The following CAB39 variants were observed in gnomAD, a reference collection of about 807,000 sequenced individuals.
CAB39 encodes the protein calcium-binding protein 39.
A neutral mutation model predicts 40.0 loss-of-function variants in CAB39; 8 were observed. That is an observed-to-expected ratio of 0.20 (90% CI 0.12 to 0.36). CAB39 has a LOEUF of 0.36. CAB39 is among the 10% of genes least tolerant of loss of function. The pLI, the probability that CAB39 is intolerant of heterozygous loss-of-function variation, is 1.00. For synonymous variants in CAB39, 156 were observed against 141.6 expected, an observed-to-expected ratio of 1.10 and a Z score of -0.72; for missense variants, 270 against 401.1, an observed-to-expected ratio of 0.67 and a Z score of 2.79.
chr2:230,808,196 C>T (rs920573809), intron 5 of CAB39, among the ~76,000 whole-genome samples: 1 of 152,004 alleles, frequency 6.6e-6, no homozygotes, highest in African/African-American at 2.4e-5. Flanking sequence ...AAGCGATTCT[C>T]CTGCCTCAGC....
chr2:230,744,553 A>G (rs1318995501), intron 1 of CAB39, among the ~76,000 whole-genome samples: 1 of 152,170 alleles, frequency 6.6e-6, no homozygotes, highest in African/African-American at 2.4e-5. Context: ...TGGCCTCCCA[A>G]AGTGCTGGGA....
intron 1 of CAB39, among the ~76,000 whole-genome samples, chr2:230,727,363 CGTGTGT>C (rs10542723): frequency 0.025 from 3,119 of 126,904 alleles, 52 homozygotes; most frequent in East Asian, 0.068. Flanking sequence ...GATTGTTAAC[CGTGTGT>C]GTGTGTGTGT....
At chr2:230,791,163 A>G in intron 3 of CAB39, 127 bp downstream of exon 3, 1 of 704,540 alleles carries the variant, frequency 1.4e-6, no homozygotes, top group East Asian at 3.0e-5. Flanking sequence ...GACCTCTGTC[A>G]GCATGCCTGG....
At chr2:230,790,569 T>A (rs1330128056) in intron 2 of CAB39, among the ~76,000 whole-genome samples, 2 of 152,198 alleles carry the variant, frequency 1.3e-5, no homozygotes, top group East Asian at 3.8e-4. Context: ...TCCCTCCCAC[T>A]TGAGGAAGTG....
intron 7 of CAB39, among the ~76,000 whole-genome samples, chr2:230,815,610 G>A (rs2124986029): frequency 6.6e-6 from 1 of 152,314 alleles, no homozygotes. Flanking sequence ...GTGCAGGGTG[G>A]AGGTTATTGG....
chr2:230,810,258 T>C lies in CAB39; in HGVS notation c.568-5T>C. Reference sequence around the variant, plus strand: ...ACTGTAAACAATTTTTTTTTCTTTTTGTAGGATTTACTTACAAGACATAAA... The same window carrying C: ...ACTGTAAACAATTTTTTTTTCTTTTCGTAGGATTTACTTACAAGACATAAA... On this transcript the variant is annotated splice_polypyrimidine_tract_variant and splice_region_variant and intron_variant, in intron 5 of 8. Coordinates refer to ENST00000258418, the MANE Select transcript of CAB39 (RefSeq NM_016289.4). The C allele has an allele frequency of 7.1e-7, 1 of 1,415,270 alleles. No individual in the cohort carries two copies. The highest frequency in any genetic ancestry group is 9.7e-7 in the Non-Finnish European group (1 of 1,029,884). The allele number at this position is 1,415,270 out of a possible 1,614,324, so 87.7% of individuals were successfully genotyped here.
At position 230,778,723 on chromosome 2, in the gene CAB39, T is replaced by C. The variant is rs539312117; in HGVS notation, c.115-12149T>C. 3.3e-5 allele frequency among the ~76,000 whole-genome samples: 5 copies of C among 152,352 alleles called. No homozygotes were observed. The East Asian group carries it at 9.6e-4, about 29-fold the overall frequency. ...AAAAATTTGAAGTCCTGTTACACGTTACTTAACAACAGGGATACATTCCAA... is the reference window on the plus strand; with the variant it reads ...AAAAATTTGAAGTCCTGTTACACGTCACTTAACAACAGGGATACATTCCAA... On this transcript the variant is annotated intron_variant, in intron 2 of 8. Transcript: ENST00000258418.
chr2:230,749,027 T>A (rs1298008175), intron 1 of CAB39, among the ~76,000 whole-genome samples: 1 of 145,654 alleles, frequency 6.9e-6, no homozygotes, highest in African/African-American at 2.5e-5. Context: ...TTTAAACCAA[T>A]TGTTGGAGTG....
chr2:230,785,316 C>T (rs1347142810), intron 2 of CAB39, among the ~76,000 whole-genome samples: 1 of 139,630 alleles, frequency 7.2e-6, no homozygotes, highest in Non-Finnish European at 1.5e-5. Context: ...ATGGTAAATA[C>T]AGGCAAATGT....
intron 1 of CAB39, among the ~76,000 whole-genome samples, chr2:230,747,753 T>C (rs1395010535): frequency 1.3e-5 from 2 of 152,244 alleles, no homozygotes; most frequent in African/African-American, 4.8e-5. Context: ...ATGAAATATA[T>C]AAGTGTATAC....
At chr2:230,740,155 C>G (rs1453660184) in intron 1 of CAB39, among the ~76,000 whole-genome samples, 1 of 152,174 alleles carries the variant, frequency 6.6e-6, no homozygotes, top group Non-Finnish European at 1.5e-5. Context: ...ACCAGTGATA[C>G]TATAATGCAG....
intron 1 of CAB39, among the ~76,000 whole-genome samples, chr2:230,740,814 G>T (rs561278349): frequency 5.3e-5 from 8 of 152,298 alleles, no homozygotes; most frequent in Admixed American, 4.6e-4. Flanking sequence ...CCACAGCCCG[G>T]GGGCTGGGGA....
intron 2 of CAB39, among the ~76,000 whole-genome samples, chr2:230,785,354 G>A (rs1695770251): frequency 7.2e-6 from 1 of 138,812 alleles, no homozygotes; most frequent in African/African-American, 2.6e-5. Flanking sequence ...TGAGGTGTGG[G>A]TAGTAGCTGG....
chr2:230,716,943 CA>C (rs1224094446), intron 1 of CAB39, among the ~76,000 whole-genome samples: 2 of 152,184 alleles, frequency 1.3e-5, no homozygotes, highest in African/African-American at 4.8e-5. Flanking sequence ...TTTGCAGCCT[CA>C]GTGAATTTTG....
At chr2:230,768,709 G>A (rs1470138714) in intron 2 of CAB39, among the ~76,000 whole-genome samples, 1 of 152,160 alleles carries the variant, frequency 6.6e-6, no homozygotes, top group African/African-American at 2.4e-5. Flanking sequence ...AGAGGGAATG[G>A]TTAATATTAA....
intron 2 of CAB39, among the ~76,000 whole-genome samples, chr2:230,764,045 G>A (rs1041409422): frequency 2.6e-5 from 4 of 151,608 alleles, no homozygotes; most frequent in Non-Finnish European, 4.4e-5. Flanking sequence ...TTGCTTGAAC[G>A]GAGGAGGCAG....
intron 1 of CAB39, among the ~76,000 whole-genome samples, chr2:230,720,857 C>T (rs1263698546): frequency 1.3e-5 from 2 of 152,188 alleles, no homozygotes; most frequent in Non-Finnish European, 2.9e-5. Context: ...AGCAGGGAGA[C>T]AGAAACTCAG....
At chr2:230,723,508 A>G (rs1178931869) in intron 1 of CAB39, among the ~76,000 whole-genome samples, 1 of 152,120 alleles carries the variant, frequency 6.6e-6, no homozygotes, top group African/African-American at 2.4e-5. Flanking sequence ...CTTCATCTCT[A>G]CGTTCCTGGA....
intron 1 of CAB39, chr2:230,713,780 G>T (rs1457265778): frequency 6.6e-6 from 1 of 152,342 alleles, no homozygotes; most frequent in Admixed American, 6.5e-5. Flanking sequence ...GCCGTAGTCG[G>T]CCCGCACCGG....
Sources: gnomAD v4.1 joint callset for allele counts (sites outside exome capture counted in the v4.1 genomes callset) on GRCh38, gnomAD v4.1.1 for gene constraint, MANE v1.5 for transcripts, NCBI Gene and HGNC (gene_info 2026-07-23, HGNC 2026-07-21) for gene names.